Variants in ABCA13 observed in about 807,000 individuals in gnomAD.
ABCA13 encodes ATP-binding cassette sub-family A member 13.
ABCA13 carries 476 observed loss-of-function variants against 478.7 expected under a neutral mutation model. The observed-to-expected ratio is 0.99, with a 90% confidence interval of 0.92 to 1.07. The LOEUF (loss-of-function observed/expected upper bound fraction) is 1.07. Among genes scored for constraint, ABCA13 ranks in the 50% least tolerant of loss-of-function variants. The pLI is 0.00. For missense variants in ABCA13, 6,060 were observed against 5,910.6 expected, an observed-to-expected ratio of 1.03 and a Z score of -0.83; for synonymous variants, 2,252 against 2,158.9, an observed-to-expected ratio of 1.04 and a Z score of -1.20.
At chr7:48,435,195 G>T (rs1822671939) in intron 42 of ABCA13, among the ~76,000 whole-genome samples, 1 of 151,740 alleles carries the variant, frequency 6.6e-6, no homozygotes, top group Non-Finnish European at 1.5e-5. Context: ...ACATTTTGTA[G>T]TGTTGAGTGT....
Position 48,239,387 on chromosome 7 carries a change from G to T in ABCA13, c.1044G>T (p.Trp348Cys), listed in dbSNP as rs1790464503. 5.0e-6 allele frequency: 8 copies of T among 1,613,156 alleles called. No homozygotes were observed. The highest frequency in any genetic ancestry group is 4.0e-5 in the African/African-American group (3 of 74,920). ...ACTATCTTGTCCATGCAGTCAGCTG[G>T]CTGCGAGTCTACCAACAGGTGCTGT... ...AKNYLVHAVS[W>C]LRVYQQVFVQ... The change falls in exon 9 of 62, where the codon TGG becomes TGT. Residue 348 changes from tryptophan to cysteine, a missense_variant. Trp to Cys is a radical substitution (Grantham distance 215). Around this residue, in one of 3 missense-constraint regions of ABCA13, gnomAD observed 4,423 missense variants for 4,309.1 expected, o/e 1.03. Coordinates refer to ENST00000435803, the MANE Select transcript of ABCA13 (RefSeq NM_152701.5).
Position 48,278,110 on chromosome 7 carries a change from A to T in ABCA13, c.6916A>T (p.Lys2306Ter). Residue 2306 changes from lysine to a stop codon, truncating the protein, a stop_gained, in exon 18 of 62, where the codon AAA becomes TAA. Transcript: ENST00000435803. LOFTEE classifies it high-confidence loss of function. ...TATTTACAGTTTTGTCCCAAAAGAT[A>T]AAATTCTAGAAATTCTGAAACTGGA... Reference protein sequence around the residue: ...IAEMSFVPKDKILEILKLDQF... With the variant: ...IAEMSFVPKD 1 of 1,317,908 alleles carries T rather than the reference A, an allele frequency of 7.6e-7. No homozygotes were observed. The highest frequency in any genetic ancestry group is 1.0e-6 in the Non-Finnish European group (1 of 998,932). 81.6% of individuals were successfully genotyped at this position (1,317,908 alleles called of 1,614,324 possible). A position where few individuals can be genotyped will look rare whatever the true frequency, so the allele number is the denominator to read the frequency against.
At chr7:48,322,588 T>A (rs1803655933) in intron 27 of ABCA13, among the ~76,000 whole-genome samples, 1 of 152,194 alleles carries the variant, frequency 6.6e-6, no homozygotes, top group Admixed American at 6.5e-5. Context: ...CAGCCGGTGC[T>A]CCTACCTCCA....
intron 42 of ABCA13, among the ~76,000 whole-genome samples, chr7:48,431,854 A>G (rs796703324): frequency 5.9e-5 from 9 of 152,250 alleles, no homozygotes; most frequent in African/African-American, 1.7e-4. Flanking sequence ...GGTTTCAATA[A>G]TATTCATCCA....
rs2128754649 is a variant in ABCA13 at position 48,274,214 on chromosome 7, G to A, written c.4548G>A (p.Gln1516=). 1 of 1,612,914 alleles carries A rather than the reference G, an allele frequency of 6.2e-7. No homozygotes were observed. The highest frequency in any genetic ancestry group is 8.5e-7 in the Non-Finnish European group (1 of 1,179,362). The change falls in exon 17 of 62, where the codon CAG becomes CAA. Residue 1516 remains glutamine, a synonymous_variant. Coordinates refer to ENST00000435803, the MANE Select transcript of ABCA13 (RefSeq NM_152701.5). ...NLTTDFDFAS[Q]SNWRYFTELI... is the part of the protein sequence containing the mutation. ...CAACAGACTTTGATTTTGCATCTCA[G>A]TCCAATTGGAGATATTTTACTGAAT...
intron 44 of ABCA13, among the ~76,000 whole-genome samples, chr7:48,468,070 C>T (rs1003611607): frequency 1.3e-5 from 2 of 151,960 alleles, no homozygotes; most frequent in African/African-American, 4.8e-5. Context: ...AACCTAGGGC[C>T]CCATGGGGTC....
At chr7:48,280,830 G>C (rs1054218808) in intron 18 of ABCA13, among the ~76,000 whole-genome samples, 5 of 152,166 alleles carry the variant, frequency 3.3e-5, no homozygotes, top group Admixed American at 2.0e-4. Flanking sequence ...CTAGGAATTT[G>C]ACTGCTAGTT....
At chr7:48,614,145 C>T (rs1792307764) in intron 58 of ABCA13, among the ~76,000 whole-genome samples, 1 of 150,296 alleles carries the variant, frequency 6.7e-6, no homozygotes, top group South Asian at 2.1e-4. Context: ...TCAAAATATC[C>T]ATTCTTTTCT....
chr7:48,412,820 T>C (rs940288130), intron 41 of ABCA13, among the ~76,000 whole-genome samples: 7 of 149,380 alleles, frequency 4.7e-5, no homozygotes, highest in African/African-American at 1.7e-4. Context: ...TCTTTTTTTT[T>C]GTTTTGTTTT....
chr7:48,219,635 T>C, intron 4 of ABCA13, 130 bp downstream of exon 4: 3 of 1,235,408 alleles, frequency 2.4e-6, no homozygotes, highest in Non-Finnish European at 3.3e-6. Flanking sequence ...AGTGAGTCTT[T>C]GATGGATGAG....
chr7:48,512,830 C>A (rs1319423051), intron 51 of ABCA13, among the ~76,000 whole-genome samples: 2 of 152,142 alleles, frequency 1.3e-5, no homozygotes, highest in African/African-American at 2.4e-5. Context: ...CAATCATAGG[C>A]AATAGGGGTT....
At chr7:48,592,047 GT>G (rs1468904567) in intron 57 of ABCA13, among the ~76,000 whole-genome samples, 1 of 151,810 alleles carries the variant, frequency 6.6e-6, no homozygotes, top group Non-Finnish European at 1.5e-5. Flanking sequence ...TAGATTTGAA[GT>G]TTTTAGCTTT....
intron 46 of ABCA13, among the ~76,000 whole-genome samples, chr7:48,481,691 A>G (rs576692824): frequency 6.7e-4 from 82 of 122,480 alleles, no homozygotes; most frequent in Non-Finnish European, 1.2e-3. Context: ...TATTTTTAGT[A>G]GAGATGGGAT....
intron 43 of ABCA13, among the ~76,000 whole-genome samples, chr7:48,463,066 T>C (rs1250518355): frequency 6.6e-6 from 1 of 152,196 alleles, no homozygotes; most frequent in African/African-American, 2.4e-5. Flanking sequence ...CAGGAAACCA[T>C]TCTTCTTGGT....
intron 29 of ABCA13, among the ~76,000 whole-genome samples, chr7:48,341,534 G>C (rs148649804): frequency 1.3e-5 from 2 of 151,978 alleles, no homozygotes; most frequent in South Asian, 4.2e-4. Context: ...ACATCTGAAT[G>C]ATATGTGGAA....
intron 55 of ABCA13, among the ~76,000 whole-genome samples, chr7:48,531,072 G>A (rs905740577): frequency 6.6e-6 from 1 of 152,140 alleles, no homozygotes; most frequent in African/African-American, 2.4e-5. Context: ...CTAAGCCAAT[G>A]TTTAGAGGGG....
chr7:48,210,288 G>A (rs1208420487), intron 3 of ABCA13, among the ~76,000 whole-genome samples: 1 of 152,108 alleles, frequency 6.6e-6, no homozygotes, highest in Non-Finnish European at 1.5e-5. Context: ...TCACTATCAT[G>A]AGAAGAGCAT....
At chr7:48,564,955 A>G (rs923883511) in intron 55 of ABCA13, among the ~76,000 whole-genome samples, 3 of 152,102 alleles carry the variant, frequency 2.0e-5, no homozygotes, top group Non-Finnish European at 2.9e-5. Flanking sequence ...AGATTTGGTA[A>G]AGGAGTTCTA....
chr7:48,610,113 C>T (rs75913078), intron 58 of ABCA13, among the ~76,000 whole-genome samples: 8,255 of 152,210 alleles, frequency 0.054, 260 homozygotes, highest in South Asian at 0.099. Context: ...TGAGAAAAGT[C>T]AAGGCCCTTC....
Sources: allele counts gnomAD v4.1 joint callset (sites outside exome capture counted in the v4.1 genomes callset), GRCh38; gene constraint gnomAD v4.1.1; regional missense constraint gnomAD v4.1.1; transcripts MANE v1.5; gene names NCBI Gene and HGNC (gene_info 2026-07-23, HGNC 2026-07-21).